Variants in ASTN2 observed in about 807,000 individuals in gnomAD.
ASTN2 encodes astrotactin-2.
ASTN2 carries 54 observed loss-of-function variants against 139.8 expected under a neutral mutation model. That is an observed-to-expected ratio of 0.39 (90% confidence interval 0.31 to 0.48). The LOEUF (loss-of-function observed/expected upper bound fraction) is 0.48, where lower values mean the gene tolerates loss of function less well. ASTN2 is among the 20% of genes least tolerant of loss of function. ASTN2 has a pLI of 0.95. For synonymous variants in ASTN2, 756 were observed against 719.5 expected, an observed-to-expected ratio of 1.05 and a Z score of -0.81; for missense variants, 1,565 against 1,725.1, an observed-to-expected ratio of 0.91 and a Z score of 1.64.
intron 13 of ASTN2, among the ~76,000 whole-genome samples, chr9:116,791,013 AAG>A (rs1830533687): frequency 2.3e-5 from 3 of 127,764 alleles, no homozygotes; most frequent in Admixed American, 8.2e-5. Context: ...GAAAGAAAGA[AAG>A]AAAGAAAGAA....
chr9:116,575,584 A>G (rs1470978391), intron 19 of ASTN2, among the ~76,000 whole-genome samples: 1 of 152,204 alleles, frequency 6.6e-6, no homozygotes, highest in African/African-American at 2.4e-5. Context: ...TTATATTAAT[A>G]TAAGGTCTTG....
chr9:116,497,877 C>A (rs1181534988), intron 19 of ASTN2, among the ~76,000 whole-genome samples: 2 of 152,114 alleles, frequency 1.3e-5, no homozygotes, highest in African/African-American at 4.8e-5. Flanking sequence ...AATGTTATAT[C>A]ATTGTAAAGT....
intron 1 of ASTN2, among the ~76,000 whole-genome samples, chr9:117,354,112 G>C (rs1375094341): frequency 6.6e-6 from 1 of 152,154 alleles, no homozygotes; most frequent in Non-Finnish European, 1.5e-5. Flanking sequence ...AAGATGTATT[G>C]ATACTGGGAC....
chr9:117,206,486 A>G (rs1831929021), intron 3 of ASTN2, among the ~76,000 whole-genome samples: 2 of 152,002 alleles, frequency 1.3e-5, no homozygotes, highest in South Asian at 4.1e-4. Context: ...TCTCACTTCC[A>G]CCCACCATGT....
At chr9:116,428,638 C>A (rs982967454) in intron 22 of ASTN2, among the ~76,000 whole-genome samples, 2 of 152,042 alleles carry the variant, frequency 1.3e-5, no homozygotes, top group African/African-American at 4.8e-5. Flanking sequence ...CTGGAAGGAG[C>A]CATAGCCAGC....
At chr9:116,513,987 T>A (rs1043864684) in intron 19 of ASTN2, among the ~76,000 whole-genome samples, 2 of 151,594 alleles carry the variant, frequency 1.3e-5, no homozygotes, top group Admixed American at 6.6e-5. Context: ...TCTGAAGCCT[T>A]CTTCTCTCAA....
intron 3 of ASTN2, among the ~76,000 whole-genome samples, chr9:117,145,990 C>T (rs1404805340): frequency 2.6e-5 from 4 of 152,132 alleles, no homozygotes; most frequent in Non-Finnish European, 2.9e-5. Flanking sequence ...TTTCTAATCC[C>T]CACTGTAGCA....
chr9:117,364,319 C>T (rs953802789), intron 1 of ASTN2, among the ~76,000 whole-genome samples: 2 of 152,158 alleles, frequency 1.3e-5, no homozygotes, highest in East Asian at 1.9e-4. Flanking sequence ...ACTCTTAGAA[C>T]TCATCATGAA....
chr9:117,133,831 C>T (rs1247067541), intron 4 of ASTN2, among the ~76,000 whole-genome samples: 1 of 151,908 alleles, frequency 6.6e-6, no homozygotes, highest in African/African-American at 2.4e-5. Context: ...TGCATATTGG[C>T]AATGGGAAAG....
At chr9:117,238,548 G>C (rs1466179813) in intron 2 of ASTN2, among the ~76,000 whole-genome samples, 1 of 152,220 alleles carries the variant, frequency 6.6e-6, no homozygotes, top group Non-Finnish European at 1.5e-5. Flanking sequence ...CCCAGGCTAT[G>C]GGTGAATCTC....
intron 1 of ASTN2, among the ~76,000 whole-genome samples, chr9:117,340,980 C>A (rs773364425): frequency 6.6e-6 from 1 of 152,140 alleles, no homozygotes; most frequent in Non-Finnish European, 1.5e-5. Context: ...TAGGAGGAGG[C>A]CCTGCTCTTA....
chr9:116,918,246 G>T lies in ASTN2; in HGVS notation c.1890-54513C>A, dbSNP rs553574833. 3.9e-5 allele frequency among the ~76,000 whole-genome samples: 6 copies of T among 152,282 alleles called. No individual in the cohort carries two copies. In the East Asian group the frequency reaches 1.2e-3, roughly 29 times the overall value. On this transcript the variant is annotated intron_variant, in intron 10 of 22. Coordinates refer to ENST00000313400, the MANE Select transcript of ASTN2 (RefSeq NM_001365068.1). ...CCCCATACCTGTGTGGATGGGCAAAGCACCCAGAGCTAGCAGAGTAGAGGG... is the reference window on the plus strand; with the variant it reads ...CCCCATACCTGTGTGGATGGGCAAATCACCCAGAGCTAGCAGAGTAGAGGG...
chr9:116,881,001 G>A (rs1833438123), intron 10 of ASTN2, among the ~76,000 whole-genome samples: 1 of 152,188 alleles, frequency 6.6e-6, no homozygotes. Flanking sequence ...GGCTAGAGAA[G>A]GCTTTCTAGA....
intron 11 of ASTN2, among the ~76,000 whole-genome samples, chr9:116,824,916 T>A (rs1831583775): frequency 6.6e-6 from 1 of 152,064 alleles, no homozygotes; most frequent in Non-Finnish European, 1.5e-5. Context: ...TTTGGGAAAA[T>A]AAAAACTCTG....
intron 6 of ASTN2, among the ~76,000 whole-genome samples, chr9:117,011,636 G>A (rs1358859328): frequency 5.3e-5 from 8 of 152,214 alleles, no homozygotes; most frequent in Non-Finnish European, 1.2e-4. Flanking sequence ...AATGGCAGAA[G>A]GGAGTTACTA....
Position 116,627,167 on chromosome 9 carries a change from G to A in ASTN2, c.3073-6724C>T, listed in dbSNP as rs577085172. On this transcript the variant is annotated intron_variant, in intron 17 of 22. Coordinates refer to ENST00000313400, the MANE Select transcript of ASTN2 (RefSeq NM_001365068.1). ...GGGAGAAAAGTAGGTAGTGTTAGTT[G>A]ACTTAAATCTTCTTATTCCCAAACA... Among the ~76,000 whole-genome samples the A allele has an allele frequency of 2.0e-5, 3 of 152,334 alleles. No individual in the cohort carries two copies. In the South Asian group the frequency reaches 6.2e-4, roughly 32 times the overall value.
intron 10 of ASTN2, among the ~76,000 whole-genome samples, chr9:116,967,894 AG>A (rs1398644609): frequency 6.6e-6 from 1 of 152,210 alleles, no homozygotes; most frequent in Non-Finnish European, 1.5e-5. Context: ...CAGAGAAAGG[AG>A]GCACACATCC....
intron 20 of ASTN2, 97 bp from the exon 21 acceptor site, chr9:116,442,650 C>A: frequency 2.1e-6 from 2 of 941,466 alleles, no homozygotes; most frequent in South Asian, 1.3e-5. Context: ...CATGAGGCTA[C>A]AGGAAAAATG....
chr9:116,763,402 T>C (rs1253986817), intron 13 of ASTN2, among the ~76,000 whole-genome samples: 1 of 152,110 alleles, frequency 6.6e-6, no homozygotes, highest in Non-Finnish European at 1.5e-5. Flanking sequence ...ATGCAGCAAT[T>C]TGGAGACATT....
Sources: allele counts gnomAD v4.1 joint callset (sites outside exome capture counted in the v4.1 genomes callset), GRCh38; gene constraint gnomAD v4.1.1; transcripts MANE v1.5; gene names NCBI Gene and HGNC (gene_info 2026-07-23, HGNC 2026-07-21).